ELP4: variants seen among roughly 807,000 people sequenced by gnomAD.
ELP4 encodes elongator complex protein 4.
In ELP4, 51 loss-of-function variants were observed where a neutral mutation model predicts 48.9. That is an observed-to-expected ratio of 1.04 (90% CI 0.83 to 1.32). The LOEUF (loss-of-function observed/expected upper bound fraction) is 1.32, where lower values mean the gene tolerates loss of function less well. ELP4 is among the 40% of genes most tolerant of loss of function. The pLI, the probability that ELP4 is intolerant of heterozygous loss-of-function variation, is 0.00. For synonymous variants in ELP4, 210 were observed against 189.2 expected (o/e 1.11, Z -0.90); for missense variants, 519 against 514.6 (o/e 1.01, Z -0.08).
At chr11:31,726,751 T>G (rs1194080755) in intron 9 of ELP4, among the ~76,000 whole-genome samples, 4 of 152,328 alleles carry the variant, frequency 2.6e-5, no homozygotes, top group Non-Finnish European at 5.9e-5. Context: ...AGAACCGTCT[T>G]TTATGTAGGT....
intron 3 of ELP4, among the ~76,000 whole-genome samples, chr11:31,578,261 A>G (rs1957321009): frequency 6.6e-6 from 1 of 152,194 alleles, no homozygotes; most frequent in Non-Finnish European, 1.5e-5. Flanking sequence ...TTCAAGGAGA[A>G]CTACAAACCA....
At chr11:31,743,759 G>A (rs1434675695) in intron 9 of ELP4, among the ~76,000 whole-genome samples, 1 of 151,348 alleles carries the variant, frequency 6.6e-6, no homozygotes, top group African/African-American at 2.4e-5. Flanking sequence ...TGTGTAGAGG[G>A]AAATTTATAG....
chr11:31,673,758 A>G (rs2134110916), intron 9 of ELP4, among the ~76,000 whole-genome samples: 1 of 152,354 alleles, frequency 6.6e-6, no homozygotes, highest in Non-Finnish European at 1.5e-5. Flanking sequence ...GATATGAATT[A>G]TTTAAAAGAG....
chr11:31,555,338 A>G (rs964320682), intron 3 of ELP4, among the ~76,000 whole-genome samples: 1 of 152,068 alleles, frequency 6.6e-6, no homozygotes, highest in Non-Finnish European at 1.5e-5. Context: ...TTATGTTTTC[A>G]TATTTCACAC....
intron 9 of ELP4, chr11:31,651,270 T>G (rs1945312597): frequency 6.6e-6 from 1 of 151,744 alleles, no homozygotes; most frequent in Non-Finnish European, 1.5e-5. Context: ...TAAATCATTG[T>G]AAGGGCCCTA....
chr11:31,515,840 G>C (rs1024460107), intron 1 of ELP4, among the ~76,000 whole-genome samples: 1 of 152,258 alleles, frequency 6.6e-6, no homozygotes, highest in African/African-American at 2.4e-5. Context: ...GCTGGGCGCA[G>C]TGGCTCACGC....
In ELP4 at chr11:31,783,430, G is replaced by C. The variant is rs3026404; in HGVS notation, c.1181G>C (p.Ser394Thr). The change falls in exon 10 of 10, where the codon AGC becomes ACC. Residue 394 changes from serine (S) to threonine (T), a missense_variant. Coordinates refer to ENST00000640961, the MANE Select transcript of ELP4 (RefSeq NM_019040.5). ...CCTCCAGACTTGTCAGACACAGTGA[G>C]CCGCTCAAGCAAAATGGATCTGGCA... The part of the protein sequence containing the change: ...HLPPDLSDTV[S>T]RSSKMDLAES... The C allele has an allele frequency of 6.3e-3, 10,101 of 1,614,064 alleles. 57 individuals carry two copies. The highest frequency in any genetic ancestry group is 0.014 in the Middle Eastern group (83 of 6,058).
chr11:31,672,902 A>G (rs1945837832), intron 9 of ELP4, among the ~76,000 whole-genome samples: 1 of 152,226 alleles, frequency 6.6e-6, no homozygotes. Context: ...TAAGTTGATG[A>G]TATTCTAAGT....
chr11:31,585,798 C>A (rs1957462324), intron 3 of ELP4, among the ~76,000 whole-genome samples: 1 of 152,170 alleles, frequency 6.6e-6, no homozygotes, highest in Admixed American at 6.5e-5. Flanking sequence ...GAGATTAAAA[C>A]ATTAAGTGAG....
intron 9 of ELP4, among the ~76,000 whole-genome samples, chr11:31,716,639 A>T (rs1946847335): frequency 6.6e-6 from 1 of 152,164 alleles, no homozygotes; most frequent in African/African-American, 2.4e-5. Flanking sequence ...TCAGTTTCCC[A>T]TTGCAATATA....
intron 9 of ELP4, among the ~76,000 whole-genome samples, chr11:31,660,024 T>G (rs1241686857): frequency 1.3e-5 from 2 of 152,162 alleles, no homozygotes; most frequent in East Asian, 3.9e-4. Context: ...TTGAACTATC[T>G]TTGTTTCCAA....
At chr11:31,711,744 A>G (rs907716406) in intron 9 of ELP4, among the ~76,000 whole-genome samples, 5 of 152,148 alleles carry the variant, frequency 3.3e-5, no homozygotes, top group African/African-American at 1.2e-4. Context: ...TAAACTATTA[A>G]TAGTAGTAGG....
chr11:31,619,101 T>C (rs1944559696), intron 5 of ELP4, among the ~76,000 whole-genome samples: 1 of 151,958 alleles, frequency 6.6e-6, no homozygotes, highest in African/African-American at 2.4e-5. Context: ...TAGTAGCTGG[T>C]AAATGAGATG....
At chr11:31,548,344 GACAA>G (rs1242534384) in intron 3 of ELP4, among the ~76,000 whole-genome samples, 1 of 151,428 alleles carries the variant, frequency 6.6e-6, no homozygotes, top group African/African-American at 2.4e-5. Context: ...ACCAATAACA[GACAA>G]ACAGAGAGCC....
At chr11:31,769,788 T>TA (rs1948101250) in intron 9 of ELP4, among the ~76,000 whole-genome samples, 2 of 152,046 alleles carry the variant, frequency 1.3e-5, no homozygotes, top group African/African-American at 2.4e-5. Context: ...TAATATACTT[T>TA]TAAAAAAAAA....
chr11:31,775,132 A>G (rs1323757560), intron 9 of ELP4, among the ~76,000 whole-genome samples: 1 of 152,240 alleles, frequency 6.6e-6, no homozygotes, highest in East Asian at 1.9e-4. Flanking sequence ...CATAATTATT[A>G]TATGCCTAAA....
At chr11:31,624,634 A>G (rs879898077) in intron 5 of ELP4, among the ~76,000 whole-genome samples, 2 of 151,754 alleles carry the variant, frequency 1.3e-5, no homozygotes, top group Non-Finnish European at 2.9e-5. Flanking sequence ...CCTTTCTTCA[A>G]TAAGAAATTC....
At chr11:31,695,258 G>A (rs1013082253) in intron 9 of ELP4, among the ~76,000 whole-genome samples, 1 of 152,088 alleles carries the variant, frequency 6.6e-6, no homozygotes, top group African/African-American at 2.4e-5. Flanking sequence ...AATGCTTCCA[G>A]TTTTTGCCCA....
intron 9 of ELP4, among the ~76,000 whole-genome samples, chr11:31,690,548 C>T (rs2134137682): frequency 6.6e-6 from 1 of 152,148 alleles, no homozygotes; most frequent in South Asian, 2.1e-4. Flanking sequence ...ACAGTTATCC[C>T]AATTTAACCT....
Sources: allele counts gnomAD v4.1 joint callset (sites outside exome capture counted in the v4.1 genomes callset), GRCh38; gene constraint gnomAD v4.1.1; transcripts MANE v1.5; gene names NCBI Gene and HGNC (gene_info 2026-07-23, HGNC 2026-07-21).